PLEKHA7: variants seen among roughly 807,000 people sequenced by gnomAD.
PLEKHA7 encodes pleckstrin homology domain containing A7, also known as pleckstrin homology domain-containing family A member 7.
PLEKHA7 carries 104 observed loss-of-function variants against 170.0 expected under a neutral mutation model. That is an observed-to-expected ratio of 0.61 (90% CI 0.52 to 0.72). The LOEUF is 0.72. PLEKHA7 is among the 30% of genes least tolerant of loss of function. The pLI, the probability that PLEKHA7 is intolerant of heterozygous loss-of-function variation, is 0.00. For missense variants in PLEKHA7, 1,615 were observed against 1,671.7 expected (o/e 0.97, Z 0.59); for synonymous variants, 648 against 660.8 (o/e 0.98, Z 0.30).
chr11:16,847,078 GTTTTTTTTTTTC>G lies in PLEKHA7; in HGVS notation c.696+4101_696+4112del, dbSNP rs1317883134. ...AAGGGCATTCCAGGCTGTGGCTGAAGTTTTTTTTTTTCTTTTTTTTTTTTTTTTTTTTTTTTG... is the reference window on the plus strand; with the variant it reads ...AAGGGCATTCCAGGCTGTGGCTGAAGTTTTTTTTTTTTTTTTTTTTTTTTG... On this transcript the variant is annotated intron_variant, in intron 8 of 26. Transcript: ENST00000531066. 1.7e-3 allele frequency among the ~76,000 whole-genome samples: 220 copies of G among 129,528 alleles called. 3 individuals are homozygous for G. Among genetic ancestry groups the G allele is most frequent in the Non-Finnish European group, 2.4e-3 (148 of 61,108 alleles). 85.0% of individuals were successfully genotyped at this position (129,528 alleles called of 152,430 possible).
chr11:16,824,510 C>T (rs1824050060), intron 10 of PLEKHA7, among the ~76,000 whole-genome samples: 1 of 152,164 alleles, frequency 6.6e-6, no homozygotes, highest in African/African-American at 2.4e-5. Flanking sequence ...TCTCATGTAC[C>T]CACAAAAATT....
chr11:16,873,910 G>A (rs146737850), intron 3 of PLEKHA7, among the ~76,000 whole-genome samples: 25,315 of 152,016 alleles, frequency 0.17, 2,605 homozygotes, highest in Non-Finnish European at 0.24. Flanking sequence ...CAGGTGATCC[G>A]CCCACCTCAG....
At chr11:16,800,899 T>A in intron 17 of PLEKHA7, 75 bp downstream of exon 17, 1 of 1,266,002 alleles carries the variant, frequency 7.9e-7, no homozygotes, top group Non-Finnish European at 1.1e-6. Flanking sequence ...CCCCCACAGG[T>A]GAAGTCTCTT....
chr11:16,802,896 T>G, intron 15 of PLEKHA7, 76 bp downstream of exon 15: 3 of 1,233,560 alleles, frequency 2.4e-6, no homozygotes, highest in Non-Finnish European at 3.6e-6. Context: ...AACATGAGGG[T>G]CCAGCCTATG....
intron 3 of PLEKHA7, among the ~76,000 whole-genome samples, chr11:16,996,198 C>T (rs1446376379): frequency 1.3e-5 from 2 of 152,210 alleles, no homozygotes; most frequent in African/African-American, 2.4e-5. Context: ...CCGGCATTTA[C>T]CTCATTTTAC....
At chr11:16,928,619 AT>A (rs766945055) in intron 3 of PLEKHA7, among the ~76,000 whole-genome samples, 5 of 150,956 alleles carry the variant, frequency 3.3e-5, no homozygotes, top group Admixed American at 6.6e-5. Flanking sequence ...TGCCCAGCTA[AT>A]TTTTTTTTAA....
chr11:16,852,252 C>T (rs417406), intron 7 of PLEKHA7, 31 bp downstream of exon 7: 184,508 of 1,602,570 alleles, frequency 0.12, 11,528 homozygotes, highest in East Asian at 0.18. Context: ...CTGAACACTT[C>T]GGCAGGGTAA....
intron 3 of PLEKHA7, among the ~76,000 whole-genome samples, chr11:16,898,748 C>T (rs536280073): frequency 1.3e-5 from 2 of 152,288 alleles, no homozygotes; most frequent in African/African-American, 4.8e-5. Context: ...TTTATCATCT[C>T]TCACGTGGAC....
intron 3 of PLEKHA7, among the ~76,000 whole-genome samples, chr11:16,942,063 T>C (rs986212111): frequency 6.6e-6 from 1 of 152,244 alleles, no homozygotes; most frequent in Non-Finnish European, 1.5e-5. Flanking sequence ...GGATCTTACA[T>C]GTATTTGCTC....
At chr11:16,933,030 G>T (rs990266447) in intron 3 of PLEKHA7, among the ~76,000 whole-genome samples, 10 of 152,120 alleles carry the variant, frequency 6.6e-5, no homozygotes, top group Non-Finnish European at 1.0e-4. Flanking sequence ...AAGAAAGGAG[G>T]CATAATCTGA....
intron 3 of PLEKHA7, among the ~76,000 whole-genome samples, chr11:16,936,340 T>A (rs1860290832): frequency 1.5e-5 from 2 of 132,032 alleles, no homozygotes; most frequent in Admixed American, 1.8e-4. Flanking sequence ...AGGCGGAGGT[T>A]GCAGGGAGCC....
chr11:16,961,012 C>T (rs1465852194), intron 3 of PLEKHA7, among the ~76,000 whole-genome samples: 1 of 152,180 alleles, frequency 6.6e-6, no homozygotes, highest in Non-Finnish European at 1.5e-5. Flanking sequence ...CAGCAAGTCC[C>T]CCTCCACCCC....
chr11:16,990,637 C>A lies in PLEKHA7; in HGVS notation c.221+23352G>T, dbSNP rs76891526. Among the ~76,000 whole-genome samples, 1,451 of 152,308 alleles carry A rather than the reference C, an allele frequency of 9.5e-3. 22 individuals are homozygous for A. Among genetic ancestry groups the A allele is most frequent in the African/African-American group, 0.034 (1,401 of 41,550 alleles). ...GGTTGTAACACTTTAAATTTCAAAG[C>A]AGAGCTGAGGGGATTTTAAAAGTTC... On this transcript the variant is annotated intron_variant, in intron 3 of 26. Transcript: ENST00000531066.
chr11:16,800,911 GAAAAACA>G lies in PLEKHA7; in HGVS notation c.2409+56_2409+62del, dbSNP rs545338870. 1,253 of 1,443,680 alleles carry G rather than the reference GAAAAACA, an allele frequency of 8.7e-4. 4 individuals carry two copies. The highest frequency in any genetic ancestry group is 2.7e-3 in the South Asian group (229 of 86,220). The allele number at this position is 1,443,680 out of a possible 1,614,324, so 89.4% of individuals were successfully genotyped here. On this transcript the variant is annotated intron_variant, in intron 17 of 26. Coordinates refer to ENST00000531066, the MANE Select transcript of PLEKHA7 (RefSeq NM_001329630.2). ...CAACCCCCACAGGTGAAGTCTCTTG[GAAAAACA>G]AAAAACAAAAAACAAAAAACAAGAG...
chr11:16,887,238 G>A (rs1342177464), intron 3 of PLEKHA7, among the ~76,000 whole-genome samples: 1 of 151,994 alleles, frequency 6.6e-6, no homozygotes, highest in Non-Finnish European at 1.5e-5. Context: ...CTTAAGCCCA[G>A]GAGTTCAAGA....
At chr11:16,809,470 C>T (rs928863927) in intron 13 of PLEKHA7, among the ~76,000 whole-genome samples, 3 of 152,204 alleles carry the variant, frequency 2.0e-5, no homozygotes, top group Non-Finnish European at 2.9e-5. Flanking sequence ...CCTCACCCCC[C>T]TCCAAGGAAC....
At chr11:16,894,511 G>T (rs565831684) in intron 3 of PLEKHA7, among the ~76,000 whole-genome samples, 1 of 152,184 alleles carries the variant, frequency 6.6e-6, no homozygotes, top group Non-Finnish European at 1.5e-5. Flanking sequence ...AGGCAAGATG[G>T]CAGGGTGAGC....
intron 3 of PLEKHA7, among the ~76,000 whole-genome samples, chr11:16,882,891 G>A (rs988288872): frequency 6.7e-6 from 1 of 150,002 alleles, no homozygotes; most frequent in Non-Finnish European, 1.5e-5. Context: ...CACACACAGA[G>A]TTCAGAGTGG....
At chr11:16,829,694 T>G (rs1269054840) in intron 9 of PLEKHA7, among the ~76,000 whole-genome samples, 1 of 152,142 alleles carries the variant, frequency 6.6e-6, no homozygotes, top group Non-Finnish European at 1.5e-5. Context: ...GAGAATCGCT[T>G]GAACCTGGGA....
Sources: gnomAD v4.1 joint callset for allele counts (sites outside exome capture counted in the v4.1 genomes callset) on GRCh38, gnomAD v4.1.1 for gene constraint, MANE v1.5 for transcripts, NCBI Gene and HGNC (gene_info 2026-07-23, HGNC 2026-07-21) for gene names.